SAMD5: variants seen among roughly 807,000 people sequenced by gnomAD.
SAMD5 encodes sterile alpha motif domain-containing protein 5.
A neutral mutation model predicts 11.3 loss-of-function variants in SAMD5; 13 were observed. The observed-to-expected ratio is 1.15, with a 90% CI of 0.75 to 1.83. SAMD5 has a LOEUF of 1.83. Ranked by LOEUF, SAMD5 falls within the 40% of genes most tolerant of loss-of-function variation. The pLI is 0.00. For missense variants in SAMD5, 255 were observed against 239.1 expected (o/e 1.07, Z -0.44); for synonymous variants, 129 against 111.3 (o/e 1.16, Z -1.00).
At chr6:147,662,761 C>T (rs974140936) in intron 1 of SAMD5, among the ~76,000 whole-genome samples, 9 of 152,176 alleles carry the variant, frequency 5.9e-5, no homozygotes, top group African/African-American at 2.2e-4. Context: ...CTACATCAGT[C>T]TTCTGCATGC....
chr6:147,884,119 G>A, the SAMD5 span, among the ~76,000 whole-genome samples: 22 of 152,212 alleles, frequency 1.4e-4, no homozygotes, highest in South Asian at 3.7e-3. Context: ...GCCATCTTGG[G>A]AAATACACTG....
rs567722358 is a variant in SAMD5 at position 147,508,692 on chromosome 6, T to A, written c.-237T>A. Among the ~76,000 whole-genome samples the A allele has an allele frequency of 6.6e-6, 1 of 152,190 alleles. No individual in the cohort carries two copies. The highest frequency in any genetic ancestry group is 1.9e-4 in the East Asian group (1 of 5,142). ...GAGCCTTGCTCAGCCCAGCAGCCAG[T>A]GCCTGCGAGCTCCGCTGCTGCTTGG... On this transcript the variant is annotated 5_prime_UTR_variant, in exon 1 of 2. Coordinates refer to ENST00000367474, the MANE Select transcript of SAMD5 (RefSeq NM_001030060.3).
the SAMD5 span, among the ~76,000 whole-genome samples, chr6:147,946,051 T>A: frequency 6.6e-6 from 1 of 152,170 alleles, no homozygotes; most frequent in Admixed American, 6.5e-5. Flanking sequence ...TAATTTAAAA[T>A]TAGCTACCAA....
chr6:147,876,854 CTGTCAGGGACTT>C, the SAMD5 span, among the ~76,000 whole-genome samples: 2 of 152,176 alleles, frequency 1.3e-5, no homozygotes, highest in Non-Finnish European at 2.9e-5. Flanking sequence ...GTCACTGGCC[CTGTCAGGGACTT>C]TGCAAAGATC....
chr6:147,563,071 T>A (rs1179636499), intron 1 of SAMD5, among the ~76,000 whole-genome samples: 3 of 152,192 alleles, frequency 2.0e-5, no homozygotes, highest in Non-Finnish European at 2.9e-5. Flanking sequence ...TAGTAGGATA[T>A]CGTTACTTAG....
At chr6:147,679,346 T>G (rs1325861290) in intron 1 of SAMD5, among the ~76,000 whole-genome samples, 1 of 152,136 alleles carries the variant, frequency 6.6e-6, no homozygotes, top group Non-Finnish European at 1.5e-5. Flanking sequence ...TTTTAGAAAC[T>G]CAAATAAGTT....
the SAMD5 span, among the ~76,000 whole-genome samples, chr6:147,756,595 ATTAGTT>A: frequency 6.6e-6 from 1 of 152,196 alleles, no homozygotes; most frequent in Non-Finnish European, 1.5e-5. Context: ...AACAAATCAA[ATTAGTT>A]TTAATTTTAC....
chr6:147,777,836 C>T, the SAMD5 span, among the ~76,000 whole-genome samples: 2,205 of 152,252 alleles, frequency 0.014, 55 homozygotes, highest in African/African-American at 0.051. Flanking sequence ...GTAGCATGCA[C>T]CAGAACTTCA....
the SAMD5 span, among the ~76,000 whole-genome samples, chr6:147,819,908 G>A: frequency 6.6e-6 from 1 of 152,210 alleles, no homozygotes; most frequent in African/African-American, 2.4e-5. Flanking sequence ...CCATAGTCGT[G>A]GTGGCAACAC....
intron 1 of SAMD5, among the ~76,000 whole-genome samples, chr6:147,675,411 C>G (rs748474496): frequency 1.6e-4 from 25 of 152,182 alleles, no homozygotes; most frequent in Non-Finnish European, 2.8e-4. Context: ...GTGAATACCT[C>G]ATATACATCC....
At chr6:147,815,322 T>A in the SAMD5 span, among the ~76,000 whole-genome samples, 1 of 152,222 alleles carries the variant, frequency 6.6e-6, no homozygotes, top group Non-Finnish European at 1.5e-5. Flanking sequence ...TGCCAGGCGA[T>A]GTGCTGGACA....
chr6:147,889,928 G>A, the SAMD5 span, among the ~76,000 whole-genome samples: 4 of 152,124 alleles, frequency 2.6e-5, no homozygotes, highest in Admixed American at 2.6e-4. Context: ...TGCTCCCTTT[G>A]GCATTGGTGT....
At chr6:147,816,275 C>A in the SAMD5 span, among the ~76,000 whole-genome samples, 14 of 55,556 alleles carry the variant, frequency 2.5e-4, no homozygotes, top group Admixed American at 2.9e-3. Flanking sequence ...AGTGAAACTC[C>A]GTCTCCAAAA....
the SAMD5 span, among the ~76,000 whole-genome samples, chr6:147,790,758 C>CTT: frequency 2.6e-5 from 2 of 78,140 alleles, no homozygotes; most frequent in African/African-American, 7.4e-5. Flanking sequence ...CTCTCTCTTT[C>CTT]TCTCTCTCTC....
intron 1 of SAMD5, among the ~76,000 whole-genome samples, chr6:147,587,719 C>A (rs975429655): frequency 2.0e-5 from 3 of 152,100 alleles, no homozygotes; most frequent in African/African-American, 7.2e-5. Context: ...TACTTTTTCT[C>A]CTGCAGCAGT....
At chr6:147,890,236 A>C in the SAMD5 span, among the ~76,000 whole-genome samples, 3 of 152,224 alleles carry the variant, frequency 2.0e-5, no homozygotes, top group Non-Finnish European at 2.9e-5. Flanking sequence ...AAAAAAAGAT[A>C]ACCCAAGATA....
chr6:147,813,334 C>T, the SAMD5 span, among the ~76,000 whole-genome samples: 1 of 152,160 alleles, frequency 6.6e-6, no homozygotes, highest in African/African-American at 2.4e-5. Context: ...TGAATTGAGA[C>T]TGCAAACAGT....
In SAMD5 at chr6:147,655,324, G is replaced by T. The variant is rs1790549884; in HGVS notation, c.163-81993G>T. On this transcript the variant is annotated intron_variant, in intron 1 of 1. Transcript: ENST00000566741. ...GTACTATCTTGCTATGTGACTTTAG[G>T]TAAGTCACTTTACTGGTCCTCATTT... Among the ~76,000 whole-genome samples the T allele has an allele frequency of 2.0e-5, 3 of 152,206 alleles. No individual in the cohort carries two copies. In the South Asian group the frequency reaches 6.2e-4, roughly 32 times the overall value.
the SAMD5 span, among the ~76,000 whole-genome samples, chr6:147,867,279 GT>G: frequency 0.1 from 11,544 of 115,304 alleles, 825 homozygotes; most frequent in African/African-American, 0.26. Flanking sequence ...GGTCAAAAAG[GT>G]TTTTTTTTTT....
Sources: gnomAD v4.1 joint callset for allele counts (sites outside exome capture counted in the v4.1 genomes callset) on GRCh38, gnomAD v4.1.1 for gene constraint, MANE v1.5 for transcripts, NCBI Gene and HGNC (gene_info 2026-07-23, HGNC 2026-07-21) for gene names.